DTNA: variants seen among roughly 807,000 people sequenced by gnomAD.
DTNA encodes the protein dystrobrevin alpha, also known as dystrophin-related protein 3.
A neutral mutation model predicts 100.7 loss-of-function variants in DTNA; 43 were observed. That is an observed-to-expected ratio of 0.43 (90% CI 0.33 to 0.55). DTNA has a LOEUF of 0.55. Ranked by LOEUF, DTNA falls within the 20% of genes least tolerant of loss-of-function variation. DTNA has a pLI of 0.04. For synonymous variants in DTNA, 349 were observed against 347.9 expected (o/e 1.00, Z -0.04); for missense variants, 798 against 953.9 (o/e 0.84, Z 2.15).
chr18:34,834,223 C>T lies in DTNA; in HGVS notation c.1176-3871C>T, dbSNP rs116316041. On this transcript the variant is annotated intron_variant, in intron 11 of 22. Transcript: ENST00000444659. ...AAAGAAAAGAGGTTGAGGCTGGGCA[C>T]GGTGGCTCACGCTTGTAATTCCAGC... Among the ~76,000 whole-genome samples, 1,236 of 151,958 alleles carry T rather than the reference C, an allele frequency of 8.1e-3. 18 individuals are homozygous for T. The highest frequency in any genetic ancestry group is 0.029 in the African/African-American group (1,189 of 41,442).
At chr18:34,766,877 A>G (rs2093503673) in intron 3 of DTNA, among the ~76,000 whole-genome samples, 1 of 152,118 alleles carries the variant, frequency 6.6e-6, no homozygotes, top group Non-Finnish European at 1.5e-5. Flanking sequence ...CAAAAATAAG[A>G]AAAGAGACAA....
intron 1 of DTNA, among the ~76,000 whole-genome samples, chr18:34,555,434 C>T (rs918111247): frequency 6.6e-6 from 1 of 151,538 alleles, no homozygotes. Context: ...AATGTGTTTG[C>T]TCTTGCTTTT....
intron 2 of DTNA, among the ~76,000 whole-genome samples, chr18:34,763,416 G>A (rs2093304194): frequency 6.6e-6 from 1 of 152,142 alleles, no homozygotes; most frequent in South Asian, 2.1e-4. Flanking sequence ...CCTAGTATGA[G>A]CTAAATTTTA....
At chr18:34,798,320 T>C (rs1266904952) in intron 4 of DTNA, among the ~76,000 whole-genome samples, 1 of 152,180 alleles carries the variant, frequency 6.6e-6, no homozygotes, top group Non-Finnish European at 1.5e-5. Context: ...TTAATTCTTT[T>C]TCTGAGATTA....
chr18:34,510,471 T>C (rs2040951290), intron 1 of DTNA, among the ~76,000 whole-genome samples: 1 of 151,982 alleles, frequency 6.6e-6, no homozygotes, highest in Non-Finnish European at 1.5e-5. Context: ...TATTTCAGCT[T>C]TCCCTCCTCC....
intron 1 of DTNA, among the ~76,000 whole-genome samples, chr18:34,604,042 A>AT (rs1280296709): frequency 6.6e-6 from 1 of 152,226 alleles, no homozygotes; most frequent in Non-Finnish European, 1.5e-5. Context: ...AATATGTGTT[A>AT]TAGTTGTGAG....
chr18:34,648,438 C>T (rs756909305), intron 1 of DTNA, among the ~76,000 whole-genome samples: 4 of 152,032 alleles, frequency 2.6e-5, no homozygotes, highest in Non-Finnish European at 5.9e-5. Flanking sequence ...AAATAGGATA[C>T]CTAAATCAGT....
intron 1 of DTNA, among the ~76,000 whole-genome samples, chr18:34,751,153 T>C (rs771493589): frequency 1.3e-5 from 2 of 152,212 alleles, no homozygotes; most frequent in Non-Finnish European, 2.9e-5. Context: ...TATTTCCTAA[T>C]ATGGGAGAGA....
chr18:34,742,425 C>T (rs1459917772), intron 1 of DTNA, among the ~76,000 whole-genome samples: 2 of 152,220 alleles, frequency 1.3e-5, no homozygotes, highest in South Asian at 2.1e-4. Flanking sequence ...ATGCATTTCT[C>T]GGTTTGTGGG....
Position 34,604,777 on chromosome 18 carries a change from C to G in DTNA, c.-2+111263C>G, listed in dbSNP as rs574642355. Among the ~76,000 whole-genome samples, 3 of 152,172 alleles carry G rather than the reference C, an allele frequency of 2.0e-5. No homozygotes were observed. In the South Asian group the frequency reaches 6.2e-4, roughly 32 times the overall value. On this transcript the variant is annotated intron_variant, in intron 1 of 19. Transcript: ENST00000283365. ...TAATGAGGCAGAGGATCCTGGTGTG[C>G]AAGTTACATTACATTTTTCATTGCA...
intron 9 of DTNA, chr18:34,825,351 C>T: frequency 6.3e-7 from 1 of 1,575,444 alleles, no homozygotes. Context: ...AGACACAAAA[C>T]AAGTGAGCAA....
chr18:34,745,898 G>T (rs1568388459), intron 1 of DTNA, among the ~76,000 whole-genome samples: 1 of 151,974 alleles, frequency 6.6e-6, no homozygotes, highest in Non-Finnish European at 1.5e-5. Context: ...CTCATTAAAG[G>T]GTCTAAAATC....
chr18:34,856,941 G>A (rs1308820591), intron 15 of DTNA, among the ~76,000 whole-genome samples: 1 of 152,186 alleles, frequency 6.6e-6, no homozygotes, highest in Non-Finnish European at 1.5e-5. Flanking sequence ...ATATCAGGGT[G>A]TTAGCCCTGG....
intron 1 of DTNA, among the ~76,000 whole-genome samples, chr18:34,608,985 T>C (rs537750395): frequency 6.6e-6 from 1 of 152,300 alleles, no homozygotes; most frequent in East Asian, 1.9e-4. Flanking sequence ...CTATTTAATT[T>C]TGTGGTCTTG....
Position 34,879,542 on chromosome 18 carries a change from AT to A in DTNA, c.1994-8del, listed in dbSNP as rs1374203945. ...AGTCATTCTTTATTTCTTCAATTGTATCTGCTAGAGGTTGGGAGTGAAACAG... is the reference window on the plus strand; with the variant it reads ...AGTCATTCTTTATTTCTTCAATTGTACTGCTAGAGGTTGGGAGTGAAACAG... On this transcript the variant is annotated splice_polypyrimidine_tract_variant and splice_region_variant and intron_variant, in intron 19 of 22. Coordinates refer to ENST00000444659, the MANE Select transcript of DTNA (RefSeq NM_001386795.1). 4 of 1,613,884 alleles carry A rather than the reference AT, an allele frequency of 2.5e-6. No individual in the cohort carries two copies. The highest frequency in any genetic ancestry group is 3.4e-6 in the Non-Finnish European group (4 of 1,179,938).
At chr18:34,724,262 A>G (rs1019487832) in intron 1 of DTNA, among the ~76,000 whole-genome samples, 1 of 152,232 alleles carries the variant, frequency 6.6e-6, no homozygotes, top group African/African-American at 2.4e-5. Context: ...AGAGTTATGT[A>G]CAGAATGTCT....
intron 1 of DTNA, among the ~76,000 whole-genome samples, chr18:34,647,299 G>A (rs1449855015): frequency 6.6e-6 from 1 of 152,114 alleles, no homozygotes; most frequent in African/African-American, 2.4e-5. Flanking sequence ...TCAGCAGGTG[G>A]CTTTCCTCTA....
At chr18:34,517,414 G>A (rs2041740247) in intron 1 of DTNA, among the ~76,000 whole-genome samples, 1 of 150,644 alleles carries the variant, frequency 6.6e-6, no homozygotes, top group Non-Finnish European at 1.5e-5. Context: ...AATTGACATG[G>A]GCACAATTCA....
At chr18:34,742,723 C>T (rs1601247468) in intron 1 of DTNA, among the ~76,000 whole-genome samples, 1 of 111,442 alleles carries the variant, frequency 9.0e-6, no homozygotes, top group South Asian at 3.0e-4. Context: ...TTCTTAAAAA[C>T]AGGGTAATAT....
Sources: allele counts gnomAD v4.1 joint callset (sites outside exome capture counted in the v4.1 genomes callset), GRCh38; gene constraint gnomAD v4.1.1; transcripts MANE v1.5; gene names NCBI Gene and HGNC (gene_info 2026-07-23, HGNC 2026-07-21).